Variants in LRRC7 observed in about 807,000 individuals in gnomAD.
The protein encoded by LRRC7 is leucine rich repeat containing 7, also known as leucine-rich repeat-containing protein 7.
Under a neutral mutation model 175.7 loss-of-function variants are expected in LRRC7, and 23 were observed. That is an observed-to-expected ratio of 0.13 (90% CI 0.09 to 0.19). LRRC7 has a LOEUF of 0.19. Ranked by LOEUF, LRRC7 falls within the 10% of genes least tolerant of loss-of-function variation. The pLI is 1.00. For missense variants in LRRC7, 1,354 were observed against 1,904.7 expected (o/e 0.71, Z 5.38); for synonymous variants, 685 against 680.9 (o/e 1.01, Z -0.09).
At chr1:69,831,994 T>A (rs1160608821) in intron 5 of LRRC7, among the ~76,000 whole-genome samples, 1 of 152,198 alleles carries the variant, frequency 6.6e-6, no homozygotes, top group Non-Finnish European at 1.5e-5. Context: ...TGAGGACTTA[T>A]TACTAAGAAT....
chr1:69,610,360 T>C (rs919131660), intron 1 of LRRC7, among the ~76,000 whole-genome samples: 5 of 152,044 alleles, frequency 3.3e-5, no homozygotes, highest in Admixed American at 6.6e-5. Context: ...CTGTGTACCA[T>C]GTCAGGAAGT....
intron 7 of LRRC7, among the ~76,000 whole-genome samples, chr1:69,856,830 A>G (rs1394395497): frequency 6.6e-6 from 1 of 152,240 alleles, no homozygotes; most frequent in Non-Finnish European, 1.5e-5. Context: ...TTGTAGACCA[A>G]TATCCCTGAT....
intron 8 of LRRC7, among the ~76,000 whole-genome samples, chr1:69,978,695 T>C (rs1167309371): frequency 1.3e-5 from 2 of 152,244 alleles, no homozygotes; most frequent in Non-Finnish European, 2.9e-5. Flanking sequence ...AATCTGAGAC[T>C]ATCTCCAAAG....
chr1:69,741,246 T>A (rs1394107671), intron 2 of LRRC7, among the ~76,000 whole-genome samples: 1 of 152,014 alleles, frequency 6.6e-6, no homozygotes, highest in African/African-American at 2.4e-5. Flanking sequence ...AAAAGTTTTT[T>A]AATATAGATA....
At chr1:70,111,711 A>G (rs1286756702) in intron 26 of LRRC7, among the ~76,000 whole-genome samples, 2 of 152,206 alleles carry the variant, frequency 1.3e-5, no homozygotes, top group Non-Finnish European at 2.9e-5. Context: ...AAAAATACAT[A>G]CTGTACCTGA....
At chr1:69,929,061 A>T (rs1391608865) in intron 7 of LRRC7, among the ~76,000 whole-genome samples, 6 of 152,116 alleles carry the variant, frequency 3.9e-5, no homozygotes, top group Non-Finnish European at 8.8e-5. Context: ...TGTTCTTCAT[A>T]TCCATTCAGA....
At chr1:69,815,427 G>A (rs947948319) in intron 4 of LRRC7, among the ~76,000 whole-genome samples, 1 of 152,072 alleles carries the variant, frequency 6.6e-6, no homozygotes, top group Non-Finnish European at 1.5e-5. Flanking sequence ...AAGGTTGGCT[G>A]TGTCTTTTTT....
At chr1:70,117,692 G>T (rs1054270860) in intron 26 of LRRC7, among the ~76,000 whole-genome samples, 2 of 151,932 alleles carry the variant, frequency 1.3e-5, no homozygotes, top group Admixed American at 1.3e-4. Flanking sequence ...ATTTTTTAAG[G>T]ATTAAATTTT....
At chr1:69,606,331 A>G (rs1489329203) in intron 1 of LRRC7, among the ~76,000 whole-genome samples, 1 of 152,132 alleles carries the variant, frequency 6.6e-6, no homozygotes, top group Non-Finnish European at 1.5e-5. Flanking sequence ...GAGAAATATA[A>G]CAATGGTATA....
intron 1 of LRRC7, among the ~76,000 whole-genome samples, chr1:69,595,012 ATT>A (rs113142766): frequency 6.7e-6 from 1 of 148,186 alleles, no homozygotes; most frequent in African/African-American, 2.5e-5. Context: ...AAAAATGATC[ATT>A]TTTTTTTTTT....
chr1:70,099,053 A>G (rs907569366), intron 25 of LRRC7, among the ~76,000 whole-genome samples: 1 of 150,816 alleles, frequency 6.6e-6, no homozygotes, highest in African/African-American at 2.4e-5. Context: ...CTTGATGAAC[A>G]TTGATGCAAA....
At position 70,134,993 on chromosome 1, in the gene LRRC7, TG is replaced by T. The variant is rs1666808287; in HGVS notation, c.*13107del. Among the ~76,000 whole-genome samples, 1 of 152,240 alleles carries T rather than the reference TG, an allele frequency of 6.6e-6. No homozygotes were observed. The highest frequency in any genetic ancestry group is 2.4e-5 in the African/African-American group (1 of 41,462). On this transcript the variant is annotated 3_prime_UTR_variant, in exon 27 of 27. Transcript: ENST00000651989. ...ATAACCTTTTAATGATAGGTTTAGT[TG>T]TAAAATCCAGAACTATTTAAATACT... is the stretch of plus-strand genomic sequence containing the variant.
chr1:69,823,118 C>G (rs1051997191), intron 4 of LRRC7, among the ~76,000 whole-genome samples: 1 of 152,136 alleles, frequency 6.6e-6, no homozygotes, highest in Non-Finnish European at 1.5e-5. Context: ...TGATTTTTCT[C>G]TCCCCTCTTA....
At chr1:69,902,819 T>C (rs1646174912) in intron 7 of LRRC7, among the ~76,000 whole-genome samples, 2 of 152,266 alleles carry the variant, frequency 1.3e-5, no homozygotes, top group Admixed American at 6.5e-5. Flanking sequence ...TGAAAAGCAA[T>C]GGTTGATGCA....
chr1:69,996,254 G>T (rs1300355744), intron 11 of LRRC7, among the ~76,000 whole-genome samples: 2 of 152,020 alleles, frequency 1.3e-5, no homozygotes, highest in African/African-American at 4.8e-5. Context: ...GGGGTTGTTT[G>T]TTTTTTTCTA....
At chr1:69,615,680 T>C (rs2100281122) in intron 1 of LRRC7, among the ~76,000 whole-genome samples, 2 of 152,154 alleles carry the variant, frequency 1.3e-5, no homozygotes, top group South Asian at 4.1e-4. Context: ...ATACATATAA[T>C]TGTTAATAAA....
chr1:69,802,807 C>T (rs1373726044), intron 4 of LRRC7, among the ~76,000 whole-genome samples: 1 of 151,206 alleles, frequency 6.6e-6, no homozygotes, highest in Non-Finnish European at 1.5e-5. Context: ...TGTAGTAAAA[C>T]ATATTACTCT....
intron 12 of LRRC7, 45 bp downstream of exon 12, chr1:70,011,971 T>G (rs1299915881): frequency 2.1e-6 from 3 of 1,427,914 alleles, no homozygotes; most frequent in Non-Finnish European, 2.9e-6. Context: ...TTAATTAATC[T>G]GTTTTGGAGT....
intron 10 of LRRC7, among the ~76,000 whole-genome samples, chr1:69,986,619 T>C (rs1212479294): frequency 6.6e-6 from 1 of 152,200 alleles, no homozygotes; most frequent in Non-Finnish European, 1.5e-5. Flanking sequence ...CAAATTGATA[T>C]TGTTTAAAAA....
Sources: allele counts gnomAD v4.1 joint callset (sites outside exome capture counted in the v4.1 genomes callset), GRCh38; gene constraint gnomAD v4.1.1; transcripts MANE v1.5; gene names NCBI Gene and HGNC (gene_info 2026-07-23, HGNC 2026-07-21).